EXOC3L2: variants seen among roughly 807,000 people sequenced by gnomAD.
EXOC3L2 encodes exocyst complex component 3-like protein 2.
EXOC3L2 carries 17 observed loss-of-function variants against 44.4 expected under a neutral mutation model. That is an observed-to-expected ratio of 0.38 (90% CI 0.26 to 0.57). The LOEUF (loss-of-function observed/expected upper bound fraction) is 0.57. EXOC3L2 is among the 20% of genes least tolerant of loss of function. The probability of loss-of-function intolerance (pLI) is 0.65; values close to 1 mark genes in which losing one functional copy is unlikely to be tolerated. For synonymous variants in EXOC3L2, 256 were observed against 253.7 expected (o/e 1.01, Z -0.09); for missense variants, 541 against 588.4 (o/e 0.92, Z 0.83).
Position 45,238,201 on chromosome 19 carries a change from T to A in EXOC3L2, c.523+322A>T, listed in dbSNP as rs1970100257. Among the ~76,000 whole-genome samples, 1 of 151,760 alleles carries A rather than the reference T, an allele frequency of 6.6e-6. No individual in the cohort carries two copies. The highest frequency in any genetic ancestry group is 2.1e-4 in the South Asian group (1 of 4,804). The stretch of plus-strand genomic sequence containing the variant: ...GGGATAGAAAGAGAAGGGGGAGAGA[T>A]GGGACCAAAATCAGGTATTCCCTTG... On this transcript the variant is annotated intron_variant, in intron 2 of 11. Coordinates refer to ENST00000413988, the MANE Select transcript of EXOC3L2 (RefSeq NM_001382422.1). This position sits in a 1 kb window ranked among gnomAD's most constrained non-coding sequence, Gnocchi z 5.5.
intron 7 of EXOC3L2, among the ~76,000 whole-genome samples, chr19:45,225,942 C>A (rs35087817): frequency 6.6e-6 from 1 of 152,102 alleles, no homozygotes; most frequent in Admixed American, 6.6e-5. Flanking sequence ...ATTATGATTA[C>A]TATTATTTGT....
intron 8 of EXOC3L2, 73 bp downstream of exon 8, chr19:45,224,705 A>G: frequency 6.6e-7 from 1 of 1,504,298 alleles, no homozygotes; most frequent in Non-Finnish European, 8.9e-7. Flanking sequence ...GCTAAAAGGA[A>G]CTGGAGGATG....
chr19:45,213,506 A>G (rs1226125835), intron 11 of EXOC3L2, 149 bp from the exon 12 acceptor site: 1 of 854,304 alleles, frequency 1.2e-6, no homozygotes, highest in African/African-American at 1.7e-5. Flanking sequence ...CCTTCCCTCC[A>G]ATCAGCTCCC....
At chr19:45,213,949 A>T (rs1969806595) in intron 11 of EXOC3L2, among the ~76,000 whole-genome samples, 1 of 151,772 alleles carries the variant, frequency 6.6e-6, no homozygotes, top group Non-Finnish European at 1.5e-5. Flanking sequence ...GCGAGACTCC[A>T]TTTCAAAAGT....
chr19:45,221,327 A>C (rs771431303), intron 8 of EXOC3L2, among the ~76,000 whole-genome samples: 9 of 151,484 alleles, frequency 5.9e-5, no homozygotes, highest in Non-Finnish European at 1.0e-4. Context: ...TACAGGTGAG[A>C]GCCACCATGT....
chr19:45,223,609 TGG>T (rs1969922083), intron 8 of EXOC3L2, among the ~76,000 whole-genome samples: 1 of 149,852 alleles, frequency 6.7e-6, no homozygotes, highest in African/African-American at 2.4e-5. Context: ...TCCCAAGTGC[TGG>T]GATTACAGGC....
At chr19:45,231,564 G>A (rs1392057181) in intron 4 of EXOC3L2, among the ~76,000 whole-genome samples, 199 bp downstream of exon 4, 1 of 151,802 alleles carries the variant, frequency 6.6e-6, no homozygotes, top group Non-Finnish European at 1.5e-5. Context: ...GGTTTGAAGT[G>A]TCCAGATATA....
intron 11 of EXOC3L2, among the ~76,000 whole-genome samples, chr19:45,214,708 A>G (rs1235534300): frequency 2.0e-5 from 3 of 151,496 alleles, no homozygotes; most frequent in Admixed American, 2.0e-4. Context: ...CAGGTGATCC[A>G]CCTACCTCGG....
intron 7 of EXOC3L2, among the ~76,000 whole-genome samples, chr19:45,226,747 C>T (rs1599764125): frequency 1.1e-5 from 1 of 90,654 alleles, no homozygotes; most frequent in South Asian, 3.9e-4. Flanking sequence ...ACTCCCATCT[C>T]TTTTTTTTTT....
chr19:45,233,356 T>C (rs1008243470), intron 3 of EXOC3L2, among the ~76,000 whole-genome samples: 3 of 152,240 alleles, frequency 2.0e-5, no homozygotes, highest in Non-Finnish European at 4.4e-5. Flanking sequence ...GGTTGCACCA[T>C]ACATTCTAAG....
rs1007703298 is a variant in EXOC3L2, at chr19:45,212,745, C to T, written c.*324G>A. 2 of 235,314 alleles carry T rather than the reference C, an allele frequency of 8.5e-6. No homozygotes were observed. The highest frequency in any genetic ancestry group is 1.6e-5 in the Non-Finnish European group (2 of 124,076). 14.6% of individuals were successfully genotyped at this position (235,314 alleles called of 1,614,324 possible). A position where few individuals can be genotyped will look rare whatever the true frequency, so the allele number is the denominator to read the frequency against. ...CAGTAGCTGGGACTACAGGCACACA[C>T]CACCGTGCCCAGCTAATTTTTTATT... On this transcript the variant is annotated 3_prime_UTR_variant, in exon 12 of 12. Transcript: ENST00000413988.
chr19:45,231,958 G>T, intron 3 of EXOC3L2, 84 bp from the exon 4 acceptor site: 3 of 800,854 alleles, frequency 3.7e-6, no homozygotes, highest in Non-Finnish European at 5.7e-6. Context: ...CCTACCCACT[G>T]TTTCTGTGAC....
intron 4 of EXOC3L2, among the ~76,000 whole-genome samples, chr19:45,231,085 G>A: frequency 6.6e-6 from 1 of 151,872 alleles, no homozygotes; most frequent in Admixed American, 6.6e-5. Flanking sequence ...GGAGACATCT[G>A]TAATTAAAAA....
chr19:45,222,783 A>G (rs1464482054), intron 8 of EXOC3L2, among the ~76,000 whole-genome samples: 1 of 152,224 alleles, frequency 6.6e-6, no homozygotes, highest in Non-Finnish European at 1.5e-5. Context: ...TTTATAGACT[A>G]AGACCGTAGA....
In EXOC3L2 at chr19:45,213,204, C is replaced by T; in HGVS notation, c.2274G>A (p.Val758=). ...GGCTGAGACAGAAAGATGGGCGGGG[C>T]ACAGGGATGTCTGCAAAGAAGGCAC... is the stretch of plus-strand genomic sequence containing the variant. ...RDRAFFADIP[V]PRPSFCLSLP... Residue 758 remains valine, a synonymous_variant, in exon 12 of 12, where the codon GTG becomes GTA. Transcript: ENST00000413988. 6.2e-7 allele frequency: 1 copy of T among 1,610,628 alleles called. No homozygotes were observed. The highest frequency in any genetic ancestry group is 8.5e-7 in the Non-Finnish European group (1 of 1,178,360).
At chr19:45,217,804 C>T (rs1201161065) in intron 9 of EXOC3L2, 121 bp from the exon 10 acceptor site, 5 of 1,172,140 alleles carry the variant, frequency 4.3e-6, no homozygotes, top group Non-Finnish European at 5.6e-6. Flanking sequence ...CCATGGGCAC[C>T]CTTCCCGTGC....
In EXOC3L2 at chr19:45,221,506, GC is replaced by G. The variant is rs375708912; in HGVS notation, c.1720-3188del. On this transcript the variant is annotated intron_variant, in intron 8 of 11. Transcript: ENST00000413988. ...TGGGGCTACAGGCACGTGCCACCAT[GC>G]CCGGCTAATTTTTGCATTTTTAGTA... Among the ~76,000 whole-genome samples, 948 of 151,892 alleles carry G rather than the reference GC, an allele frequency of 6.2e-3. 13 individuals are homozygous for G. Among genetic ancestry groups the G allele is most frequent in the African/African-American group, 0.022 (893 of 41,404 alleles).
At chr19:45,235,440 G>T (rs151225606) in intron 2 of EXOC3L2, among the ~76,000 whole-genome samples, 2,504 of 152,214 alleles carry the variant, frequency 0.016, 33 homozygotes, top group Admixed American at 0.029. Context: ...ACGTAAGGGG[G>T]AGAGAGATGG....
At chr19:45,228,469 G>A (rs922875626) in intron 4 of EXOC3L2, among the ~76,000 whole-genome samples, 19 of 152,116 alleles carry the variant, frequency 1.2e-4, no homozygotes, top group African/African-American at 4.6e-4. Context: ...TCTGTGGTTT[G>A]GAACTTCATA....
Sources: gnomAD v4.1 joint callset for allele counts (sites outside exome capture counted in the v4.1 genomes callset) on GRCh38, gnomAD v4.1.1 for gene constraint, Gnocchi (gnomAD v3.1) non-coding constraint, MANE v1.5 for transcripts, NCBI Gene and HGNC (gene_info 2026-07-23, HGNC 2026-07-21) for gene names.